EIF5A2: variants seen among roughly 807,000 people sequenced by gnomAD.
The protein encoded by EIF5A2 is eukaryotic translation initiation factor 5A-2.
In EIF5A2, 15 loss-of-function variants were observed where a neutral mutation model predicts 16.4. The ratio of observed to expected loss-of-function variants is 0.92; its 90% confidence interval spans 0.61 to 1.41. The LOEUF is 1.41. EIF5A2 is among the 40% of genes most tolerant of loss of function. The probability of loss-of-function intolerance (pLI) is 0.00; values close to 1 mark genes in which losing one functional copy is unlikely to be tolerated. For missense variants in EIF5A2, 144 were observed against 189.5 expected, an observed-to-expected ratio of 0.76 and a Z score of 1.41; for synonymous variants, 48 against 61.1, an observed-to-expected ratio of 0.79 and a Z score of 1.00.
rs1013018693 is a variant in EIF5A2, at chr3:170,890,315, C to T, written c.*3045G>A. ...ATTGCATTGTAATGAAAAATTGTGT[C>T]TCCAAATTTTACAGCCTAATCATTT... is the stretch of plus-strand genomic sequence containing the variant. On this transcript the variant is annotated 3_prime_UTR_variant, in exon 5 of 5. Transcript: ENST00000295822. 3.9e-5 allele frequency: 6 copies of T among 152,056 alleles called. No individual in the cohort carries two copies. Among genetic ancestry groups the T allele is most frequent in the South Asian group, 2.1e-4 (1 of 4,830 alleles). 9.4% of individuals were successfully genotyped at this position (152,056 alleles called of 1,614,324 possible).
intron 3 of EIF5A2, among the ~76,000 whole-genome samples, chr3:170,901,386 C>T (rs1018449015): frequency 6.6e-6 from 1 of 152,094 alleles, no homozygotes; most frequent in South Asian, 2.1e-4. Context: ...GGAAGCAAAA[C>T]ATGATCTAAA....
At position 170,891,175 on chromosome 3, in the gene EIF5A2, G is replaced by T. The variant is rs1414126033; in HGVS notation, c.*2185C>A. The stretch of plus-strand genomic sequence containing the variant: ...GAGTTAATACTGAATCATAACACCA[G>T]CATGGTTAAGAGGGGCCATATGAAT... On this transcript the variant is annotated 3_prime_UTR_variant, in exon 5 of 5. Coordinates refer to ENST00000295822, the MANE Select transcript of EIF5A2 (RefSeq NM_020390.6). The T allele has an allele frequency of 1.3e-5, 2 of 152,486 alleles. No individual in the cohort carries two copies. Among genetic ancestry groups the T allele is most frequent in the African/African-American group, 4.8e-5 (2 of 41,432 alleles). 9.4% of individuals were successfully genotyped at this position (152,486 alleles called of 1,614,324 possible). A position where few individuals can be genotyped will look rare whatever the true frequency, so the allele number is the denominator to read the frequency against.
At chr3:170,907,586 A>G (rs2108297329) in intron 2 of EIF5A2, 56 bp downstream of exon 2, 1 of 1,476,770 alleles carries the variant, frequency 6.8e-7, no homozygotes, top group Non-Finnish European at 9.1e-7. Context: ...GTAACGGAAT[A>G]CAAATGATCA....
chr3:170,903,900 A>G (rs1268825784), intron 3 of EIF5A2, among the ~76,000 whole-genome samples: 1 of 152,244 alleles, frequency 6.6e-6, no homozygotes, highest in Non-Finnish European at 1.5e-5. Flanking sequence ...GGTCTACAAT[A>G]TATACTTTAT....
Position 170,893,434 on chromosome 3 carries a change from G to A in EIF5A2, c.403-15C>T. ...ATGACAGACACCTAGAAGGAAAAAAGCAGGCAAAACGTTATTCAGAAGACA... is the reference window on the plus strand; with the variant it reads ...ATGACAGACACCTAGAAGGAAAAAAACAGGCAAAACGTTATTCAGAAGACA... On this transcript the variant is annotated splice_polypyrimidine_tract_variant and intron_variant, in intron 4 of 4. Coordinates refer to ENST00000295822, the MANE Select transcript of EIF5A2 (RefSeq NM_020390.6). 1 of 1,613,334 alleles carries A rather than the reference G, an allele frequency of 6.2e-7. No individual in the cohort carries two copies. Among genetic ancestry groups the A allele is most frequent in the Non-Finnish European group, 8.5e-7 (1 of 1,179,728 alleles).
chr3:170,889,441 C>G lies in EIF5A2; in HGVS notation c.*3919G>C, dbSNP rs1204357189. On this transcript the variant is annotated 3_prime_UTR_variant, in exon 5 of 5. Transcript: ENST00000295822. ...ATAGATTAAATAGATTGAATTGTCT[C>G]AATTTTTAAGGTTTTCCACCATAAA... 1 of 152,148 alleles carries G rather than the reference C, an allele frequency of 6.6e-6. No individual in the cohort carries two copies. Among genetic ancestry groups the G allele is most frequent in the Non-Finnish European group, 1.5e-5 (1 of 67,932 alleles). 9.4% of individuals were successfully genotyped at this position (152,148 alleles called of 1,614,324 possible).
chr3:170,894,392 A>G lies in EIF5A2; in HGVS notation c.302T>C (p.Leu101Pro). 6.2e-7 allele frequency: 1 copy of G among 1,614,050 alleles called. No homozygotes were observed. The highest frequency in any genetic ancestry group is 8.5e-7 in the Non-Finnish European group (1 of 1,179,968). ...LICIQDGYLSLLTETGEVRED... is the reference protein window; with the variant it reads ...LICIQDGYLSPLTETGEVRED... ...ACGAACTTCACCAGTTTCTGTCAGC[A>G]GGGAAAGGTAACCATCTTGAATGCA... Residue 101 changes from leucine (L) to proline (P), a missense_variant, in exon 4 of 5, where the codon CTG (leucine) becomes CCG (proline). By Grantham distance (98) the Leu-to-Pro change is moderately conservative. Coordinates refer to ENST00000295822, the MANE Select transcript of EIF5A2 (RefSeq NM_020390.6).
At chr3:170,895,051 A>G (rs1441347935) in intron 3 of EIF5A2, among the ~76,000 whole-genome samples, 1 of 148,776 alleles carries the variant, frequency 6.7e-6, no homozygotes, top group East Asian at 2.0e-4. Flanking sequence ...AAAAAAAGAG[A>G]TATTATAAGT....
rs1032465359 is a variant in EIF5A2, at chr3:170,892,114, C to CA, written c.*1245dup. On this transcript the variant is annotated 3_prime_UTR_variant, in exon 5 of 5. Transcript: ENST00000295822. ...TTTTGTTTAATAAATACATTAATGT[C>CA]AAAAAATCTACTTAGAAATGGTTGG... 1.3e-5 allele frequency: 2 copies of CA among 152,370 alleles called. No individual in the cohort carries two copies. The highest frequency in any genetic ancestry group is 4.8e-5 in the African/African-American group (2 of 41,368). The allele number at this position is 152,370 out of a possible 1,614,324, so 9.4% of individuals were successfully genotyped here.
intron 3 of EIF5A2, among the ~76,000 whole-genome samples, chr3:170,901,097 G>C (rs1329950878): frequency 6.6e-6 from 1 of 152,058 alleles, no homozygotes; most frequent in African/African-American, 2.4e-5. Flanking sequence ...GAAACACAAG[G>C]GACAGAGGAA....
chr3:170,899,535 T>A (rs1712758879), intron 3 of EIF5A2, among the ~76,000 whole-genome samples: 1 of 152,144 alleles, frequency 6.6e-6, no homozygotes, highest in African/African-American at 2.4e-5. Flanking sequence ...TCTCACTGTT[T>A]CCTCATGATA....
intron 3 of EIF5A2, among the ~76,000 whole-genome samples, chr3:170,897,425 C>T (rs1406020411): frequency 6.6e-6 from 1 of 152,194 alleles, no homozygotes; most frequent in African/African-American, 2.4e-5. Flanking sequence ...TTTCATGGGC[C>T]AGGCCCAGAG....
Position 170,907,194 on chromosome 3 carries a change from T to C in EIF5A2, c.166-101A>G, listed in dbSNP as rs1712956991. The C allele has an allele frequency of 1.2e-5, 8 of 682,074 alleles. No individual in the cohort carries two copies. The East Asian group carries it at 2.2e-4, about 19-fold the overall frequency. The allele number at this position is 682,074 out of a possible 1,614,324, so 42.3% of individuals were successfully genotyped here. On this transcript the variant is annotated intron_variant, in intron 2 of 4. Coordinates refer to ENST00000295822, the MANE Select transcript of EIF5A2 (RefSeq NM_020390.6). Reference sequence around the variant, plus strand: ...CAATGCTGATTACAACAGATTCTTTTTCTCCTCCTTCCAAGGTCATCTAAT... The same window carrying C: ...CAATGCTGATTACAACAGATTCTTTCTCTCCTCCTTCCAAGGTCATCTAAT...
At chr3:170,902,733 T>C (rs1712848051) in intron 3 of EIF5A2, among the ~76,000 whole-genome samples, 2 of 151,536 alleles carry the variant, frequency 1.3e-5, no homozygotes, top group Admixed American at 1.3e-4. Context: ...CTTAGCCTCC[T>C]GAGTAGCTGG....
intron 1 of EIF5A2, 114 bp from the exon 2 acceptor site, chr3:170,907,955 G>C: frequency 1.3e-6 from 1 of 782,586 alleles, no homozygotes; most frequent in South Asian, 2.8e-5. Flanking sequence ...TGCATGTAAG[G>C]AACACCCACC....
In EIF5A2 at chr3:170,890,466, A is replaced by T. The variant is rs1231988787; in HGVS notation, c.*2894T>A. ...CAGAGTCAAGAGCTTGGTTAGCAAC[A>T]GTTTCTTCAAGTGACTGAGCCCCTG... On this transcript the variant is annotated 3_prime_UTR_variant, in exon 5 of 5. Transcript: ENST00000295822. 6.6e-6 allele frequency: 1 copy of T among 152,132 alleles called. No individual in the cohort carries two copies. Among genetic ancestry groups the T allele is most frequent in the Non-Finnish European group, 1.5e-5 (1 of 67,976 alleles). The allele number at this position is 152,132 out of a possible 1,614,324, so 9.4% of individuals were successfully genotyped here.
chr3:170,896,140 G>T (rs1048068990), intron 3 of EIF5A2, among the ~76,000 whole-genome samples: 1 of 152,110 alleles, frequency 6.6e-6, no homozygotes, highest in African/African-American at 2.4e-5. Context: ...CTGATATTTT[G>T]AAAATGATGT....
intron 3 of EIF5A2, among the ~76,000 whole-genome samples, chr3:170,901,661 C>T (rs1041681346): frequency 2.0e-5 from 3 of 151,194 alleles, no homozygotes; most frequent in African/African-American, 4.9e-5. Flanking sequence ...CTGGTGGTCT[C>T]GAACTCCTGA....
intron 3 of EIF5A2, among the ~76,000 whole-genome samples, chr3:170,906,155 C>G (rs189458283): frequency 1.9e-3 from 289 of 152,232 alleles, no homozygotes; most frequent in African/African-American, 6.5e-3. Context: ...ATACCAGTGT[C>G]AACTTTGTAT....
Sources: gnomAD v4.1 joint callset for allele counts (sites outside exome capture counted in the v4.1 genomes callset) on GRCh38, gnomAD v4.1.1 for gene constraint, MANE v1.5 for transcripts, NCBI Gene and HGNC (gene_info 2026-07-23, HGNC 2026-07-21) for gene names.